Variants in MID1 observed in about 807,000 individuals in gnomAD.
The protein encoded by MID1 is E3 ubiquitin-protein ligase Midline-1.
In MID1, 7 loss-of-function variants were observed where a neutral mutation model predicts 40.4. The ratio of observed to expected loss-of-function variants is 0.17; its 90% CI spans 0.10 to 0.33. MID1 has a LOEUF of 0.33. Ranked by LOEUF, MID1 falls within the 10% of genes least tolerant of loss-of-function variation. The pLI, the probability that MID1 is intolerant of heterozygous loss-of-function variation, is 1.00. For synonymous variants in MID1, 229 were observed against 221.2 expected, an observed-to-expected ratio of 1.04 and a Z score of -0.31; for missense variants, 367 against 558.5, an observed-to-expected ratio of 0.66 and a Z score of 3.46.
At chrX:10,745,073 A>G (rs1231499875) in intron 1 of MID1, among the ~76,000 whole-genome samples, 1 of 112,379 alleles carries the variant, frequency 8.9e-6, no homozygotes, top group Non-Finnish European at 1.9e-5. Flanking sequence ...ACAAGTAAAG[A>G]CATGCAAAAA....
chrX:10,601,962 T>C (rs1037577089), intron 1 of MID1, among the ~76,000 whole-genome samples: 1 of 106,362 alleles, frequency 9.4e-6, no homozygotes, highest in Non-Finnish European at 1.9e-5. Flanking sequence ...AGTGGCGCAA[T>C]CTCGACTCAC....
At chrX:10,777,342 C>G (rs890238787) in intron 1 of MID1, among the ~76,000 whole-genome samples, 1 of 103,090 alleles carries the variant, frequency 9.7e-6, no homozygotes, top group African/African-American at 3.6e-5. Context: ...GGACTACAGG[C>G]GCCCGCCACC....
chrX:10,649,473 C>T (rs5979335), intron 1 of MID1, among the ~76,000 whole-genome samples: 18,235 of 111,345 alleles, frequency 0.16, 2,499 homozygotes, highest in African/African-American at 0.46. Context: ...TGTGAGCAAG[C>T]AAAATGTGTG....
intron 8 of MID1, among the ~76,000 whole-genome samples, chrX:10,456,240 A>AAACAC (rs1255674584): frequency 4.4e-5 from 5 of 112,549 alleles, no homozygotes; most frequent in South Asian, 3.7e-4. Context: ...TTTTGGATAC[A>AAACAC]AACACAACAC....
In MID1 at chrX:10,708,994, T is replaced by C. The variant is rs1215454967; in HGVS notation, c.-186-88575A>G. On this transcript the variant is annotated intron_variant, in intron 1 of 10. Transcript: ENST00000380785. Reference sequence around the variant, plus strand: ...TATGGAATTGTGGATATCTGATCATTTGTGACTAGCAAAAATGGCAGTTTC... The same window carrying C: ...TATGGAATTGTGGATATCTGATCATCTGTGACTAGCAAAAATGGCAGTTTC... 2.7e-5 allele frequency among the ~76,000 whole-genome samples: 3 copies of C among 112,683 alleles called. No individual in the cohort carries two copies. The East Asian group carries it at 8.4e-4, about 31-fold the overall frequency.
At chrX:10,470,488 A>C (rs1929643493) in intron 6 of MID1, among the ~76,000 whole-genome samples, 1 of 112,099 alleles carries the variant, frequency 8.9e-6, no homozygotes, top group Admixed American at 9.5e-5. Context: ...AAAATCAGCC[A>C]CATAATTGTT....
rs1201969548 is a variant in MID1, at chrX:10,514,475, G to C, written c.756+8617C>G. On this transcript the variant is annotated intron_variant, in intron 3 of 9. Coordinates refer to ENST00000317552, the MANE Select transcript of MID1 (RefSeq NM_000381.4). Reference sequence around the variant, plus strand: ...TGAATCAAATTTTTCTAAGTCAAGGGCACTGAATCCAAAGGGAGACATTCA... The same window carrying C: ...TGAATCAAATTTTTCTAAGTCAAGGCCACTGAATCCAAAGGGAGACATTCA... Among the ~76,000 whole-genome samples the C allele has an allele frequency of 2.7e-5, 3 of 111,639 alleles. No homozygotes were observed. The Admixed American group carries it at 2.8e-4, about 11-fold the overall frequency.
At chrX:10,529,861 G>A (rs944661722) in intron 2 of MID1, among the ~76,000 whole-genome samples, 1 of 112,086 alleles carries the variant, frequency 8.9e-6, no homozygotes, top group African/African-American at 3.2e-5. Context: ...TTTCCAATTA[G>A]CATGGAAAAC....
intron 1 of MID1, among the ~76,000 whole-genome samples, chrX:10,664,013 T>G (rs2042934524): frequency 9.0e-6 from 1 of 111,604 alleles, no homozygotes; most frequent in Non-Finnish European, 1.9e-5. Context: ...TTATGTTAGA[T>G]GTAACTTTGG....
At chrX:10,726,734 T>C (rs1189170588) in intron 1 of MID1, among the ~76,000 whole-genome samples, 3 of 112,588 alleles carry the variant, frequency 2.7e-5, no homozygotes, top group African/African-American at 9.7e-5. Context: ...GTTTCCAACT[T>C]GAGCGTCCTG....
rs1190533077 is a variant in MID1, at chrX:10,458,895, G to A, written c.1447+751C>T. Among the ~76,000 whole-genome samples, 3 of 111,712 alleles carry A rather than the reference G, an allele frequency of 2.7e-5. No individual in the cohort carries two copies. The Admixed American group carries it at 2.8e-4, about 11-fold the overall frequency. On this transcript the variant is annotated intron_variant, in intron 8 of 9. Transcript: ENST00000317552. ...ACTCCAATTTGCTTTCTCTTGGGAG[G>A]TCTTATGCAAATAAACACCATGTTA...
chrX:10,735,955 G>T (rs758585005), intron 1 of MID1, among the ~76,000 whole-genome samples: 1 of 111,507 alleles, frequency 9.0e-6, no homozygotes, highest in South Asian at 3.8e-4. Flanking sequence ...TAATTTTGAA[G>T]GTACATTGTC....
intron 2 of MID1, among the ~76,000 whole-genome samples, chrX:10,538,224 T>G (rs1208177619): frequency 9.0e-6 from 1 of 111,569 alleles, no homozygotes; most frequent in East Asian, 2.8e-4. Context: ...CCACCCACCT[T>G]GGCCTCCCAA....
chrX:10,530,771 T>G (rs1426137614), intron 2 of MID1, among the ~76,000 whole-genome samples: 1 of 111,956 alleles, frequency 8.9e-6, no homozygotes, highest in Non-Finnish European at 1.9e-5. Context: ...AGCTTTGTAC[T>G]TCTACATACA....
chrX:10,511,945 T>A (rs1462813263), intron 3 of MID1, among the ~76,000 whole-genome samples: 1 of 112,417 alleles, frequency 8.9e-6, no homozygotes, highest in East Asian at 2.8e-4. Flanking sequence ...GTGTGTGGAA[T>A]TTTCCTCTTC....
Position 10,529,785 on chromosome X carries a change from G to A in MID1, c.661-6598C>T, listed in dbSNP as rs747110843. Among the ~76,000 whole-genome samples the A allele has an allele frequency of 3.5e-3, 389 of 111,836 alleles. 1 individual carries two copies. Among genetic ancestry groups the A allele is most frequent in the Middle Eastern group, 0.014 (3 of 217 alleles). ...ATAATAAAGCCACAGGATGTATTGAGTACTTGCTGTATACCCATCATTGCT... is the reference window on the plus strand; with the variant it reads ...ATAATAAAGCCACAGGATGTATTGAATACTTGCTGTATACCCATCATTGCT... On this transcript the variant is annotated intron_variant, in intron 2 of 9. Transcript: ENST00000317552.
At chrX:10,620,010 A>G (rs942889466) in intron 1 of MID1, among the ~76,000 whole-genome samples, 15 of 112,290 alleles carry the variant, frequency 1.3e-4, no homozygotes, top group Non-Finnish European at 2.4e-4. Context: ...ATTGATTTAC[A>G]TATATTCTAC....
intron 1 of MID1, among the ~76,000 whole-genome samples, chrX:10,715,504 G>A (rs753023641): frequency 5.4e-5 from 6 of 111,714 alleles, no homozygotes; most frequent in Non-Finnish European, 9.4e-5. Context: ...GGGGAGGGGC[G>A]CCTGTCATTG....
chrX:10,739,697 C>A (rs1328948479), intron 1 of MID1, among the ~76,000 whole-genome samples: 2 of 111,706 alleles, frequency 1.8e-5, no homozygotes, highest in Admixed American at 9.5e-5. Flanking sequence ...GGAAATGTAT[C>A]AATGGAAGAG....
Sources: gnomAD v4.1 joint callset for allele counts (sites outside exome capture counted in the v4.1 genomes callset) on GRCh38, gnomAD v4.1.1 for gene constraint, MANE v1.5 for transcripts, NCBI Gene and HGNC (gene_info 2026-07-23, HGNC 2026-07-21) for gene names.